RBM47: variants seen among roughly 807,000 people sequenced by gnomAD.
RBM47 encodes the protein RNA binding motif protein 47.
Under a neutral mutation model 47.1 loss-of-function variants are expected in RBM47, and 21 were observed. The ratio of observed to expected loss-of-function variants is 0.45; its 90% confidence interval spans 0.32 to 0.64. The LOEUF (loss-of-function observed/expected upper bound fraction) is 0.64, where lower values mean the gene tolerates loss of function less well. RBM47 is among the 30% of genes least tolerant of loss of function. The pLI is 0.05. For missense variants in RBM47, 708 were observed against 870.9 expected (o/e 0.81, Z 2.35); for synonymous variants, 375 against 361.7 (o/e 1.04, Z -0.42).
chr4:40,596,350 G>T (rs192563576), intron 1 of RBM47, among the ~76,000 whole-genome samples: 14 of 152,296 alleles, frequency 9.2e-5, no homozygotes, highest in Admixed American at 6.5e-4. Flanking sequence ...AGGTTTAAGG[G>T]GGGGAAGAGG....
intron 3 of RBM47, among the ~76,000 whole-genome samples, chr4:40,456,577 T>TC (rs1393269047): frequency 2.1e-5 from 3 of 144,696 alleles, no homozygotes; most frequent in East Asian, 3.9e-4. Context: ...TTTTCTTTTT[T>TC]TTTTTTTTTT....
intron 2 of RBM47, among the ~76,000 whole-genome samples, chr4:40,532,966 A>G (rs950011789): frequency 1.5e-4 from 23 of 152,152 alleles, no homozygotes; most frequent in African/African-American, 5.5e-4. Flanking sequence ...CTGTAGCTGT[A>G]GTTCATGGGA....
chr4:40,558,543 ATG>A (rs1730313009), intron 1 of RBM47, among the ~76,000 whole-genome samples: 1 of 145,762 alleles, frequency 6.9e-6, no homozygotes, highest in Non-Finnish European at 1.5e-5. Context: ...AAAAAAAAAA[ATG>A]GGCCAGACAT....
intron 2 of RBM47, among the ~76,000 whole-genome samples, chr4:40,507,515 G>A (rs1189479827): frequency 2.0e-5 from 3 of 152,182 alleles, no homozygotes; most frequent in Admixed American, 6.5e-5. Flanking sequence ...ACGGCTGGGC[G>A]CGGTGGCTCA....
intron 2 of RBM47, among the ~76,000 whole-genome samples, chr4:40,490,385 C>T (rs1005304415): frequency 2.6e-5 from 4 of 151,800 alleles, no homozygotes; most frequent in African/African-American, 9.7e-5. Flanking sequence ...ATGTAAAAAA[C>T]CTAAGGAATC....
At chr4:40,445,223 G>C (rs1458445662) in intron 3 of RBM47, among the ~76,000 whole-genome samples, 1 of 147,752 alleles carries the variant, frequency 6.8e-6, no homozygotes, top group Admixed American at 6.8e-5. Context: ...GCAGTGAGCC[G>C]AGATCACACC....
intron 2 of RBM47, among the ~76,000 whole-genome samples, chr4:40,504,935 A>T (rs1723888183): frequency 1.3e-5 from 2 of 152,206 alleles, no homozygotes; most frequent in South Asian, 4.1e-4. Flanking sequence ...CAACCTCTGA[A>T]GACAAAAAAT....
At chr4:40,465,598 G>A (rs143477647) in intron 3 of RBM47, among the ~76,000 whole-genome samples, 1,583 of 152,078 alleles carry the variant, frequency 0.01, 27 homozygotes, top group African/African-American at 0.037. Context: ...AGAATTGCTC[G>A]AACCCGGGAG....
intron 2 of RBM47, among the ~76,000 whole-genome samples, chr4:40,469,689 G>T (rs1206645500): frequency 3.3e-5 from 5 of 151,296 alleles, no homozygotes; most frequent in African/African-American, 1.2e-4. Flanking sequence ...AACAAACATT[G>T]ACCCTAAGTG....
chr4:40,479,003 G>C (rs1479132925), intron 2 of RBM47, among the ~76,000 whole-genome samples: 2 of 152,198 alleles, frequency 1.3e-5, no homozygotes, highest in Non-Finnish European at 2.9e-5. Flanking sequence ...TCAGATGGTA[G>C]CCTTCACCTG....
intron 1 of RBM47, among the ~76,000 whole-genome samples, chr4:40,576,963 A>G (rs1283404340): frequency 6.6e-6 from 1 of 152,168 alleles, no homozygotes; most frequent in Admixed American, 6.6e-5. Context: ...GATTAGATTC[A>G]GACAGGCTGG....
intron 3 of RBM47, among the ~76,000 whole-genome samples, chr4:40,446,252 C>T (rs1034858569): frequency 2.0e-5 from 3 of 152,130 alleles, no homozygotes; most frequent in Non-Finnish European, 4.4e-5. Flanking sequence ...AGGGTCTCCA[C>T]CCTACAGATA....
intron 6 of RBM47, among the ~76,000 whole-genome samples, chr4:40,431,327 T>C (rs1715953215): frequency 6.6e-6 from 1 of 152,142 alleles, no homozygotes; most frequent in African/African-American, 2.4e-5. Flanking sequence ...CTGGCAGCCA[T>C]AGGCCAAGTA....
intron 2 of RBM47, among the ~76,000 whole-genome samples, chr4:40,541,718 A>G (rs994951939): frequency 1.3e-5 from 2 of 152,160 alleles, no homozygotes; most frequent in Non-Finnish European, 2.9e-5. Flanking sequence ...AACTTGGGCA[A>G]CAAGAGCAAA....
intron 1 of RBM47, among the ~76,000 whole-genome samples, chr4:40,620,042 C>A (rs917578957): frequency 6.6e-6 from 1 of 150,720 alleles, no homozygotes; most frequent in South Asian, 2.1e-4. Flanking sequence ...ACCAAAAATA[C>A]AAAAATTTGC....
intron 2 of RBM47, among the ~76,000 whole-genome samples, chr4:40,477,183 G>A (rs116633437): frequency 0.038 from 5,730 of 151,006 alleles, 359 homozygotes; most frequent in African/African-American, 0.13. Flanking sequence ...ACTCCGTCTC[G>A]AAAAACAAAC....
intron 2 of RBM47, among the ~76,000 whole-genome samples, chr4:40,506,804 C>A (rs1389425936): frequency 1.3e-5 from 2 of 152,190 alleles, no homozygotes; most frequent in African/African-American, 2.4e-5. Flanking sequence ...TGGAGCCAAA[C>A]AAGCAGTGGC....
Position 40,423,533 on chromosome 4 carries a change from G to GGAAC in RBM47, c.*2367_*2370dup, listed in dbSNP as rs1260360167. The GGAAC allele has an allele frequency of 2.6e-5, 4 of 151,796 alleles. No individual in the cohort carries two copies. Among genetic ancestry groups the GGAAC allele is most frequent in the Non-Finnish European group, 5.9e-5 (4 of 67,972 alleles). The allele number at this position is 151,796 out of a possible 1,614,324, so 9.4% of individuals were successfully genotyped here. ...TACATGAAATGGTTTTGAAACAATA[G>GGAAC]GAACAGATAAGTCCCAGATAGGAGG... On this transcript the variant is annotated 3_prime_UTR_variant, in exon 7 of 7. Coordinates refer to ENST00000295971, the MANE Select transcript of RBM47 (RefSeq NM_001098634.2).
chr4:40,569,610 C>G lies in RBM47; in HGVS notation c.-239-25104G>C, dbSNP rs372937917. The stretch of plus-strand genomic sequence containing the variant: ...ATTTTTAGTAAAGATGGGGTTTTAC[C>G]GTGTTAGCCAGGACGGTCTCTATCT... On this transcript the variant is annotated intron_variant, in intron 1 of 6. Transcript: ENST00000295971. Among the ~76,000 whole-genome samples the G allele has an allele frequency of 1.8e-4, 27 of 151,764 alleles. 1 individual carries two copies. Among genetic ancestry groups the G allele is most frequent in the Middle Eastern group, 6.8e-3 (2 of 294 alleles).
Sources: allele counts gnomAD v4.1 joint callset (sites outside exome capture counted in the v4.1 genomes callset), GRCh38; gene constraint gnomAD v4.1.1; transcripts MANE v1.5; gene names NCBI Gene and HGNC (gene_info 2026-07-23, HGNC 2026-07-21).